Variants in SPATA1 observed in about 807,000 individuals in gnomAD.
The protein encoded by SPATA1 is spermatogenesis-associated protein 1.
In SPATA1, 57 loss-of-function variants were observed where a neutral mutation model predicts 59.6. The observed-to-expected ratio is 0.96, with a 90% CI of 0.77 to 1.19. The LOEUF (loss-of-function observed/expected upper bound fraction) is 1.19. Among genes scored for constraint, SPATA1 ranks in the 50% most tolerant of loss-of-function variants. SPATA1 has a pLI of 0.00. For synonymous variants in SPATA1, 147 were observed against 163.9 expected (o/e 0.90, Z 0.79); for missense variants, 448 against 480.7 (o/e 0.93, Z 0.64).
intron 6 of SPATA1, among the ~76,000 whole-genome samples, chr1:84,531,932 T>G (rs1045951967): frequency 2.0e-5 from 3 of 152,178 alleles, no homozygotes; most frequent in East Asian, 3.9e-4. Flanking sequence ...AAAAATTGAT[T>G]TCTCCAAGGG....
intron 8 of SPATA1, among the ~76,000 whole-genome samples, chr1:84,535,258 T>C (rs1302337240): frequency 6.6e-6 from 1 of 152,192 alleles, no homozygotes; most frequent in Non-Finnish European, 1.5e-5. Context: ...TAAGTAGTTA[T>C]TGTTATCAGA....
chr1:84,508,892 AAC>A (rs1682404391), intron 1 of SPATA1, among the ~76,000 whole-genome samples: 1 of 152,130 alleles, frequency 6.6e-6, no homozygotes, highest in Admixed American at 6.5e-5. Context: ...AAAACCATAA[AAC>A]ACTGATGCAA....
intron 8 of SPATA1, among the ~76,000 whole-genome samples, chr1:84,537,723 T>A (rs1234839091): frequency 6.6e-6 from 1 of 152,232 alleles, no homozygotes; most frequent in African/African-American, 2.4e-5. Context: ...ATGGCTTTGA[T>A]GTGATTCTGA....
chr1:84,562,885 C>T (rs1405007383), intron 4 of SPATA1, among the ~76,000 whole-genome samples: 1 of 152,128 alleles, frequency 6.6e-6, no homozygotes, highest in Non-Finnish European at 1.5e-5. Flanking sequence ...AATCTGTAGG[C>T]CACTTTGAAA....
chr1:84,545,601 G>A, intron 9 of SPATA1, 33 bp from the exon 10 acceptor site: 13 of 1,482,358 alleles, frequency 8.8e-6, no homozygotes, highest in Non-Finnish European at 1.2e-5. Flanking sequence ...TCAGCTTTGA[G>A]ACATTGATGA....
intron 4 of SPATA1, 128 bp from the exon 14 acceptor site, chr1:84,565,733 A>G (rs1451153008): frequency 3.6e-6 from 2 of 557,546 alleles, no homozygotes; most frequent in Non-Finnish European, 5.2e-6. Context: ...CAAGCCTTAC[A>G]ATTGAAAAAC....
intron 2 of SPATA1, among the ~76,000 whole-genome samples, chr1:84,518,931 A>G (rs1235449399): frequency 5.9e-5 from 9 of 151,890 alleles, no homozygotes; most frequent in African/African-American, 1.7e-4. Context: ...GTTACCTATT[A>G]GTGTTTTATG....
chr1:84,525,705 A>G (rs1433393076), exon 5 of SPATA1: 2 of 1,586,310 alleles, frequency 1.3e-6, no homozygotes, highest in Admixed American at 2.0e-5. Context: ...GGTGAAGGAA[A>G]AGCAAGAATC....
At chr1:84,559,629 A>G (rs1229277126) in intron 4 of SPATA1, among the ~76,000 whole-genome samples, 1 of 152,050 alleles carries the variant, frequency 6.6e-6, no homozygotes, top group Admixed American at 6.5e-5. Flanking sequence ...CTCAGAAAAA[A>G]AAGACTTAAT....
chr1:84,554,981 T>A (rs889980771), downstream of SPATA1: 2 of 1,604,572 alleles, frequency 1.2e-6, no homozygotes, highest in Non-Finnish European at 1.7e-6. Context: ...TAACTCTTAA[T>A]GGTTTGACAA....
chr1:84,542,508 T>C (rs779160478), intron 8 of SPATA1, among the ~76,000 whole-genome samples: 1 of 152,188 alleles, frequency 6.6e-6, no homozygotes, highest in Non-Finnish European at 1.5e-5. Flanking sequence ...AGGTTTTTTT[T>C]CTTTGCTCTA....
At chr1:84,543,768 A>G (rs1342027434) in intron 8 of SPATA1, among the ~76,000 whole-genome samples, 2 of 152,206 alleles carry the variant, frequency 1.3e-5, no homozygotes, top group African/African-American at 4.8e-5. Flanking sequence ...CAGAGGAGAT[A>G]AGATATATTA....
chr1:84,510,054 G>T (rs959871516), intron 1 of SPATA1, among the ~76,000 whole-genome samples: 6 of 152,048 alleles, frequency 3.9e-5, no homozygotes, highest in African/African-American at 1.4e-4. Context: ...GCTGGACATG[G>T]TGGCATGTAC....
intron 10 of SPATA1, among the ~76,000 whole-genome samples, chr1:84,547,020 G>A (rs1684110154): frequency 6.6e-6 from 1 of 152,162 alleles, no homozygotes; most frequent in Non-Finnish European, 1.5e-5. Context: ...ATGGAATTAA[G>A]TGGTTTTATG....
At chr1:84,566,170 C>G (rs926056112) in exon 5 of SPATA1, 4 of 350,400 alleles carry the variant, frequency 1.1e-5, no homozygotes, top group Non-Finnish European at 2.0e-5. Flanking sequence ...GAACTTGAAC[C>G]ATTCTAAGAA....
chr1:84,550,101 A>T (rs931437464), intron 11 of SPATA1: 1 of 157,366 alleles, frequency 6.4e-6, no homozygotes, highest in Non-Finnish European at 1.4e-5. Flanking sequence ...TAAGTATTTT[A>T]AAATAATTCT....
chr1:84,513,218 C>A (rs1337409281), intron 1 of SPATA1, among the ~76,000 whole-genome samples: 1 of 152,240 alleles, frequency 6.6e-6, no homozygotes, highest in Admixed American at 6.5e-5. Context: ...TCTCCGCACC[C>A]TCCGTCTCCC....
At chr1:84,525,929 C>T (rs188290298) in exon 6 of SPATA1, 48 of 1,613,646 alleles carry the variant, frequency 3.0e-5, no homozygotes, top group East Asian at 8.9e-5. Flanking sequence ...TTTAGATGAG[C>T]GGCAGACTAA....
At chr1:84,564,043 T>C (rs1570472179) in intron 4 of SPATA1, 1 of 176,552 alleles carries the variant, frequency 5.7e-6, no homozygotes, top group Non-Finnish European at 1.1e-5. Context: ...GGAGAAAACA[T>C]TCAAAACAAT....
Sources: gnomAD v4.1 joint callset for allele counts (sites outside exome capture counted in the v4.1 genomes callset) on GRCh38, gnomAD v4.1.1 for gene constraint, MANE v1.5 for transcripts, NCBI Gene and HGNC (gene_info 2026-07-23, HGNC 2026-07-21) for gene names.